GASK1B: variants seen among roughly 807,000 people sequenced by gnomAD.
GASK1B encodes Golgi-associated kinase 1B.
In GASK1B, 34 loss-of-function variants were observed where a neutral mutation model predicts 42.8. The observed-to-expected ratio is 0.79, with a 90% CI of 0.60 to 1.06. The LOEUF is 1.06. Among genes scored for constraint, GASK1B ranks in the 50% least tolerant of loss-of-function variants. GASK1B has a pLI of 0.00. For synonymous variants in GASK1B, 262 were observed against 259.1 expected (o/e 1.01, Z -0.11); for missense variants, 686 against 661.0 (o/e 1.04, Z -0.42).
rs569574346 is a variant in GASK1B at position 158,170,985 on chromosome 4, T to C, written c.391A>G (p.Lys131Glu). ...IRGTVKPKRR[K>E]KHAVASAAPG... ...GCAGCCGATGCCACTGCATGCTTTT[T>C]CCTGCGCTTGGGCTTCACGGTGCCA... Residue 131 changes from lysine to glutamate, a missense_variant, in exon 2 of 5, where the codon AAA becomes GAA. Physicochemically the swap from Lys to Glu is moderately conservative, Grantham distance 56. Transcript: ENST00000585682. 3.7e-6 allele frequency: 6 copies of C among 1,614,218 alleles called. No homozygotes were observed. In the East Asian group the frequency reaches 1.3e-4, roughly 36 times the overall value.
chr4:158,171,195 G>C lies in GASK1B; in HGVS notation c.181C>G (p.Gln61Glu). The C allele has an allele frequency of 6.2e-7, 1 of 1,613,770 alleles. No homozygotes were observed. Among genetic ancestry groups the C allele is most frequent in the Non-Finnish European group, 8.5e-7 (1 of 1,179,842 alleles). Residue 61 changes from glutamine (Q) to glutamate (E), a missense_variant, in exon 2 of 5, where the codon CAG (glutamine) becomes GAG (glutamate). Transcript: ENST00000585682. ...CCCTTCTCAGCCGCCTGTCCATGCT[G>C]GAGAGAGGCCCTCCCCACCTGGCTC... is the stretch of plus-strand genomic sequence containing the variant. ...LVSQVGRASLQHGQAAEKGPH... is the reference protein window; with the variant it reads ...LVSQVGRASLEHGQAAEKGPH...
At chr4:158,131,856 G>A (rs1033747712) in intron 3 of GASK1B, among the ~76,000 whole-genome samples, 3 of 151,970 alleles carry the variant, frequency 2.0e-5, no homozygotes, top group African/African-American at 7.3e-5. Flanking sequence ...AAACGCCTGA[G>A]TAACAGGAAT....
rs1732075830 is a variant in GASK1B, at chr4:158,162,793, A to G, written c.911-6968T>C. Among the ~76,000 whole-genome samples, 2 of 151,720 alleles carry G rather than the reference A, an allele frequency of 1.3e-5. 1 individual carries two copies. The highest frequency in any genetic ancestry group is 4.1e-4 in the South Asian group (2 of 4,824). ...AGGGATCAGGCGACAAGGCAATGGG[A>G]AAAGTGGTTGCAATCTGGATGGATG... is the stretch of plus-strand genomic sequence containing the variant. On this transcript the variant is annotated intron_variant, in intron 2 of 4. Transcript: ENST00000585682.
chr4:158,164,217 T>C (rs1268621863), intron 2 of GASK1B, among the ~76,000 whole-genome samples: 1 of 152,170 alleles, frequency 6.6e-6, no homozygotes, highest in Non-Finnish European at 1.5e-5. Context: ...GGCTAGCACA[T>C]AGTAGATGCT....
chr4:158,156,450 C>A (rs1348377132), intron 2 of GASK1B, among the ~76,000 whole-genome samples: 1 of 152,204 alleles, frequency 6.6e-6, no homozygotes, highest in Admixed American at 6.5e-5. Context: ...CACATAACCT[C>A]AACAAAGTGC....
intron 2 of GASK1B, 65 bp from the exon 3 acceptor site, chr4:158,155,890 G>A (rs1731741694): frequency 1.3e-5 from 18 of 1,379,962 alleles, no homozygotes; most frequent in Non-Finnish European, 1.8e-5. Context: ...TCTTTGAGCA[G>A]GTCGTTCACT....
chr4:158,143,709 A>G (rs1479389150), intron 3 of GASK1B, among the ~76,000 whole-genome samples: 1 of 152,166 alleles, frequency 6.6e-6, no homozygotes, highest in African/African-American at 2.4e-5. Flanking sequence ...GTCATGAATA[A>G]ATATAGGCCA....
chr4:158,132,102 C>T (rs1730706851), intron 3 of GASK1B, among the ~76,000 whole-genome samples: 1 of 152,048 alleles, frequency 6.6e-6, no homozygotes, highest in African/African-American at 2.4e-5. Context: ...AAGTAACCTG[C>T]CCTGGGTAGA....
chr4:158,146,484 T>C (rs1039855071), intron 3 of GASK1B, among the ~76,000 whole-genome samples: 10 of 152,322 alleles, frequency 6.6e-5, no homozygotes, highest in African/African-American at 2.4e-4. Flanking sequence ...GTGCCTACCA[T>C]GTACTAGGCA....
At chr4:158,166,691 T>C (rs1465224755) in intron 2 of GASK1B, among the ~76,000 whole-genome samples, 1 of 152,166 alleles carries the variant, frequency 6.6e-6, no homozygotes, top group East Asian at 1.9e-4. Context: ...CAATAACTCT[T>C]AGCCATGGTT....
At chr4:158,147,330 G>A (rs1243854013) in intron 3 of GASK1B, among the ~76,000 whole-genome samples, 2 of 151,932 alleles carry the variant, frequency 1.3e-5, no homozygotes, top group African/African-American at 4.8e-5. Context: ...GCCAGGCACG[G>A]TGACTCATGC....
intron 3 of GASK1B, among the ~76,000 whole-genome samples, chr4:158,134,709 T>G (rs1300070647): frequency 6.6e-6 from 1 of 152,192 alleles, no homozygotes; most frequent in African/African-American, 2.4e-5. Flanking sequence ...TTAGATATAT[T>G]TCCTTCTTCT....
Position 158,130,952 on chromosome 4 carries a change from C to T in GASK1B, c.1186G>A (p.Val396Ile). 6.2e-7 allele frequency: 1 copy of T among 1,614,070 alleles called. No individual in the cohort carries two copies. The highest frequency in any genetic ancestry group is 8.5e-7 in the Non-Finnish European group (1 of 1,179,962). ...GFRPRKEDAC[V>I]QNGLRPKCDD... ...CATTTTGGCCTCAATCCATTCTGTA[C>T]ACAGGCATCTTCCTTGCGAGGTCTG... is the stretch of plus-strand genomic sequence containing the variant. Residue 396 changes from valine (V) to isoleucine (I), a missense_variant, in exon 4 of 5, where the codon GTA becomes ATA. By Grantham distance (29) the Val-to-Ile change is conservative. Transcript: ENST00000585682.
At chr4:158,140,616 C>CT (rs1731077382) in intron 3 of GASK1B, among the ~76,000 whole-genome samples, 1 of 152,214 alleles carries the variant, frequency 6.6e-6, no homozygotes, top group South Asian at 2.1e-4. Context: ...GCTTTGACCT[C>CT]TTGCTTTGCT....
chr4:158,131,033 A>C, intron 3 of GASK1B, 21 bp from the exon 4 acceptor site: 1 of 1,596,262 alleles, frequency 6.3e-7, no homozygotes, highest in Non-Finnish European at 8.6e-7. Context: ...AAAACACAAA[A>C]TCCAAGATGC....
intron 2 of GASK1B, among the ~76,000 whole-genome samples, chr4:158,162,057 C>A (rs1043018758): frequency 6.6e-6 from 1 of 152,158 alleles, no homozygotes; most frequent in Admixed American, 6.5e-5. Flanking sequence ...TGCTTTCACA[C>A]GTTTTTCATA....
intron 3 of GASK1B, among the ~76,000 whole-genome samples, chr4:158,141,031 T>G (rs1179210115): frequency 1.3e-5 from 2 of 152,232 alleles, no homozygotes; most frequent in Non-Finnish European, 2.9e-5. Context: ...ATCAGACATT[T>G]CCTTCTTTAA....
Position 158,170,683 on chromosome 4 carries a change from T to G in GASK1B, c.693A>C (p.Ala231=), listed in dbSNP as rs774009154. 3 of 1,614,078 alleles carry G rather than the reference T, an allele frequency of 1.9e-6. No homozygotes were observed. The African/African-American group carries it at 4.0e-5, about 22-fold the overall frequency. The change falls in exon 2 of 5, where the codon GCA becomes GCC. Residue 231 remains alanine (A), a synonymous_variant. Coordinates refer to ENST00000585682, the MANE Select transcript of GASK1B (RefSeq NM_001128424.2). ...IRRMRLLADS[A]VAGLRPVSSR... ...AGGACACAGGCCGGAGCCCTGCCAC[T>G]GCGCTGTCCGCCAAGAGTCGCATTC...
intron 2 of GASK1B, among the ~76,000 whole-genome samples, chr4:158,158,051 T>C (rs1182600636): frequency 6.6e-6 from 1 of 152,158 alleles, no homozygotes; most frequent in Non-Finnish European, 1.5e-5. Context: ...GGAGTATAAC[T>C]TATGGTTAGA....
Sources: allele counts gnomAD v4.1 joint callset (sites outside exome capture counted in the v4.1 genomes callset), GRCh38; gene constraint gnomAD v4.1.1; transcripts MANE v1.5; gene names NCBI Gene and HGNC (gene_info 2026-07-23, HGNC 2026-07-21).